COL28A1: variants seen among roughly 807,000 people sequenced by gnomAD.
COL28A1 encodes the protein collagen type XXVIII alpha 1 chain.
COL28A1 carries 161 observed loss-of-function variants against 150.2 expected under a neutral mutation model. The observed-to-expected ratio is 1.07, with a 90% CI of 0.94 to 1.22. The LOEUF (loss-of-function observed/expected upper bound fraction) is 1.22. Among genes scored for constraint, COL28A1 ranks in the 50% most tolerant of loss-of-function variants. COL28A1 has a pLI of 0.00. For missense variants in COL28A1, 1,617 were observed against 1,388.3 expected, an observed-to-expected ratio of 1.16 and a Z score of -2.62; for synonymous variants, 552 against 469.7, an observed-to-expected ratio of 1.18 and a Z score of -2.26.
chr7:7,518,355 A>G (rs191026241), intron 6 of COL28A1, among the ~76,000 whole-genome samples: 5 of 152,292 alleles, frequency 3.3e-5, no homozygotes, highest in East Asian at 1.9e-4. Flanking sequence ...CGTATATAAG[A>G]TGAGTGAGTA....
At chr7:7,419,480 C>G (rs889011352) in intron 26 of COL28A1, among the ~76,000 whole-genome samples, 2 of 152,176 alleles carry the variant, frequency 1.3e-5, no homozygotes, top group South Asian at 4.1e-4. Flanking sequence ...GACAATCAGT[C>G]TAGACCCTTG....
In COL28A1 at chr7:7,440,852, C is replaced by G; in HGVS notation, c.1660G>C (p.Gly554Arg). 6.7e-7 allele frequency: 1 copy of G among 1,500,462 alleles called. No homozygotes were observed. The highest frequency in any genetic ancestry group is 9.3e-7 in the Non-Finnish European group (1 of 1,077,138). The allele number at this position is 1,500,462 out of a possible 1,614,324, so 92.9% of individuals were successfully genotyped here. A position where few individuals can be genotyped will look rare whatever the true frequency, so the allele number is the denominator to read the frequency against. The change falls in exon 21 of 35, where the codon GGC becomes CGC. Residue 554 changes from glycine (G) to arginine (R), a missense_variant. Physicochemically the swap from Gly to Arg is moderately radical, Grantham distance 125. Transcript: ENST00000399429. ...KGQPGPKGDEGKKGSKGNQGQ... is the reference protein window; with the variant it reads ...KGQPGPKGDERKKGSKGNQGQ... ...TGATTTCCTTTGCTCCCTTTCTTGC[C>G]TTCGTCACCCTAACAAAATAATTAT...
chr7:7,342,243 A>G, the COL28A1 span, among the ~76,000 whole-genome samples: 1 of 152,088 alleles, frequency 6.6e-6, no homozygotes, highest in Non-Finnish European at 1.5e-5. Flanking sequence ...TCTGACTTCA[A>G]TATAACTACA....
At chr7:7,403,296 G>A (rs1421882713) in intron 27 of COL28A1, among the ~76,000 whole-genome samples, 1 of 152,090 alleles carries the variant, frequency 6.6e-6, no homozygotes, top group Non-Finnish European at 1.5e-5. Context: ...GCCGAGGGGA[G>A]GAGAAGACTT....
chr7:7,452,361 T>A lies in COL28A1; in HGVS notation c.1467A>T (p.Thr489=). Reference sequence around the variant, plus strand: ...CAATTCCCACTGGTCCTCGAGGGCCTGTAGGTCCCATTTGGCCTACTTCTC... The same window carrying A: ...CAATTCCCACTGGTCCTCGAGGGCCAGTAGGTCCCATTTGGCCTACTTCTC... The part of the protein sequence containing the change: ...SKGEVGQMGP[T]GPRGPVGIGV... Residue 489 remains threonine, a synonymous_variant, in exon 18 of 35, where the codon ACA becomes ACT. Coordinates refer to ENST00000399429, the MANE Select transcript of COL28A1 (RefSeq NM_001037763.3). 1 of 1,604,680 alleles carries A rather than the reference T, an allele frequency of 6.2e-7. No individual in the cohort carries two copies. Among genetic ancestry groups the A allele is most frequent in the Non-Finnish European group, 8.5e-7 (1 of 1,177,886 alleles).
At chr7:7,339,515 G>A in the COL28A1 span, among the ~76,000 whole-genome samples, 1 of 152,100 alleles carries the variant, frequency 6.6e-6, no homozygotes, top group East Asian at 1.9e-4. Context: ...TCCCTCTGGG[G>A]ATCCTCGGCA....
Position 7,489,448 on chromosome 7 carries a change from C to A in COL28A1, c.1105G>T (p.Gly369Cys). The change falls in exon 13 of 35, where the codon GGC (glycine) becomes TGC (cysteine). Residue 369 changes from glycine (G) to cysteine (C), a missense_variant. Gly to Cys is a radical substitution (Grantham distance 159, BLOSUM62 -3). Transcript: ENST00000399429. ...GGAGCTCCCGGTCTTCCTTCTTGGC[C>A]TCTTTCTCCCTAAGAGAAAGAAATA... ...IGQQGIKGERGQEGRPGAPGP... is the reference protein window; with the variant it reads ...IGQQGIKGERCQEGRPGAPGP... The A allele has an allele frequency of 2.2e-6, 3 of 1,353,560 alleles. No homozygotes were observed. Among genetic ancestry groups the A allele is most frequent in the Non-Finnish European group, 3.2e-6 (3 of 941,808 alleles). 83.8% of individuals were successfully genotyped at this position (1,353,560 alleles called of 1,614,324 possible). A position where few individuals can be genotyped will look rare whatever the true frequency, so the allele number is the denominator to read the frequency against.
At chr7:7,361,968 G>C (rs1442326604) in intron 33 of COL28A1, among the ~76,000 whole-genome samples, 1 of 152,112 alleles carries the variant, frequency 6.6e-6, no homozygotes, top group African/African-American at 2.4e-5. Context: ...TTCGTAAGTG[G>C]GAGTTGAACA....
chr7:7,416,145 A>G (rs1784064837), intron 27 of COL28A1, among the ~76,000 whole-genome samples: 1 of 152,192 alleles, frequency 6.6e-6, no homozygotes, highest in Admixed American at 6.5e-5. Flanking sequence ...GCTCACTGCT[A>G]AGCAGCATCA....
chr7:7,352,148 T>A (rs1381539831), downstream of COL28A1, among the ~76,000 whole-genome samples: 4 of 152,322 alleles, frequency 2.6e-5, 1 homozygote, highest in Non-Finnish European at 5.9e-5. Flanking sequence ...TGTTTTCTGA[T>A]CTTTTTCTAT....
At chr7:7,372,622 CCTGA>C (rs983220551) in intron 32 of COL28A1, among the ~76,000 whole-genome samples, 2 of 151,886 alleles carry the variant, frequency 1.3e-5, no homozygotes, top group Non-Finnish European at 2.9e-5. Flanking sequence ...ATTTTGATTT[CCTGA>C]CTGTTTTCTG....
At chr7:7,360,346 A>G (rs376547273) in intron 34 of COL28A1, 44 bp downstream of exon 34, 1 of 1,504,338 alleles carries the variant, frequency 6.6e-7, no homozygotes, top group African/African-American at 1.4e-5. Flanking sequence ...TCTGTGCACA[A>G]GACTGTAGAA....
chr7:7,445,130 G>C lies in COL28A1; in HGVS notation c.1510-641C>G, dbSNP rs145291591. Reference sequence around the variant, plus strand: ...AGCAGATGCCAGCATCATGCTTCCTGTGCAGCCTGCAGAACTGTAAGTCAA... The same window carrying C: ...AGCAGATGCCAGCATCATGCTTCCTCTGCAGCCTGCAGAACTGTAAGTCAA... On this transcript the variant is annotated intron_variant, in intron 18 of 34. Transcript: ENST00000399429. 1.3e-5 allele frequency among the ~76,000 whole-genome samples: 2 copies of C among 152,270 alleles called. 1 individual carries two copies. The highest frequency in any genetic ancestry group is 2.9e-5 in the Non-Finnish European group (2 of 68,024).
intron 7 of COL28A1, 116 bp downstream of exon 7, chr7:7,517,680 G>T (rs1583553538): frequency 6.8e-7 from 1 of 1,468,852 alleles, no homozygotes; most frequent in East Asian, 2.3e-5. Context: ...GCCATCAAGA[G>T]CACAAGGTAG....
intron 27 of COL28A1, among the ~76,000 whole-genome samples, chr7:7,410,460 G>A (rs939220374): frequency 6.6e-6 from 1 of 152,136 alleles, no homozygotes; most frequent in Non-Finnish European, 1.5e-5. Context: ...GTCATCGTGT[G>A]AATTTCAAAA....
intron 25 of COL28A1, among the ~76,000 whole-genome samples, chr7:7,429,742 A>T (rs1784848793): frequency 6.6e-6 from 1 of 152,142 alleles, no homozygotes; most frequent in African/African-American, 2.4e-5. Context: ...AGAGACAAGA[A>T]GCAATGGAAG....
chr7:7,540,561 C>G (rs185847603), upstream of COL28A1, among the ~76,000 whole-genome samples: 2 of 152,196 alleles, frequency 1.3e-5, no homozygotes, highest in Non-Finnish European at 2.9e-5. Flanking sequence ...AAATTTAGGT[C>G]TTTGTGCATC....
chr7:7,455,358 C>T (rs888776864), intron 16 of COL28A1, among the ~76,000 whole-genome samples: 1 of 152,126 alleles, frequency 6.6e-6, no homozygotes, highest in Non-Finnish European at 1.5e-5. Context: ...GTAGAGAGTA[C>T]TGTTATACTA....
At chr7:7,512,378 T>C (rs1477431442) in intron 8 of COL28A1, among the ~76,000 whole-genome samples, 1 of 152,196 alleles carries the variant, frequency 6.6e-6, no homozygotes, top group East Asian at 1.9e-4. Flanking sequence ...CAAAAACTGA[T>C]CATTATGTGA....
Sources: allele counts gnomAD v4.1 joint callset (sites outside exome capture counted in the v4.1 genomes callset), GRCh38; gene constraint gnomAD v4.1.1; transcripts MANE v1.5; gene names NCBI Gene and HGNC (gene_info 2026-07-23, HGNC 2026-07-21).